Variants in ST3GAL3 observed in about 807,000 individuals in gnomAD.
ST3GAL3 encodes CMP-N-acetylneuraminate-beta-1,4-galactoside alpha-2,3-sialyltransferase.
In ST3GAL3, 21 loss-of-function variants were observed where a neutral mutation model predicts 50.1. The ratio of observed to expected loss-of-function variants is 0.42; its 90% CI spans 0.30 to 0.60. ST3GAL3 has a LOEUF of 0.60. ST3GAL3 is among the 20% of genes least tolerant of loss of function. ST3GAL3 has a pLI of 0.19. For missense variants in ST3GAL3, 353 were observed against 489.4 expected (o/e 0.72, Z 2.63); for synonymous variants, 183 against 190.0 (o/e 0.96, Z 0.30).
intron 2 of ST3GAL3, among the ~76,000 whole-genome samples, chr1:43,765,369 C>G (rs1692160910): frequency 6.6e-6 from 1 of 152,194 alleles, no homozygotes; most frequent in Non-Finnish European, 1.5e-5. Context: ...AGTTCATGTG[C>G]TTCCCTGCAG....
intron 1 of ST3GAL3, among the ~76,000 whole-genome samples, chr1:43,716,199 G>A (rs527487735): frequency 6.6e-6 from 1 of 152,310 alleles, no homozygotes; most frequent in South Asian, 2.1e-4. Context: ...CGAAATAGAT[G>A]TTTATTTTGG....
At chr1:43,928,382 C>T (rs2084396823) in intron 11 of ST3GAL3, among the ~76,000 whole-genome samples, 1 of 151,924 alleles carries the variant, frequency 6.6e-6, no homozygotes, top group Admixed American at 6.6e-5. Context: ...TGGTGGATCA[C>T]AAGGTCAGGA....
At chr1:43,764,828 C>T (rs897526524) in intron 2 of ST3GAL3, among the ~76,000 whole-genome samples, 1 of 152,174 alleles carries the variant, frequency 6.6e-6, no homozygotes, top group East Asian at 1.9e-4. Context: ...ACAGTTGAGG[C>T]CTTTCTGTCC....
intron 4 of ST3GAL3, among the ~76,000 whole-genome samples, chr1:43,825,687 G>T (rs1205037007): frequency 6.6e-6 from 1 of 152,172 alleles, no homozygotes; most frequent in Non-Finnish European, 1.5e-5. Flanking sequence ...ATGCCTTGAA[G>T]GGTTTTAAGC....
At chr1:43,924,776 G>GTA (rs2083620683) in intron 11 of ST3GAL3, among the ~76,000 whole-genome samples, 2 of 152,222 alleles carry the variant, frequency 1.3e-5, no homozygotes, top group African/African-American at 2.4e-5. Context: ...AAGGTGATGA[G>GTA]ACAGACTCAA....
At chr1:43,719,542 G>C (rs1416237212) in intron 1 of ST3GAL3, among the ~76,000 whole-genome samples, 1 of 152,024 alleles carries the variant, frequency 6.6e-6, no homozygotes, top group Non-Finnish European at 1.5e-5. Flanking sequence ...GCGGGTGCCT[G>C]TAATCCCAGC....
At chr1:43,759,873 A>C (rs1184556529) in intron 2 of ST3GAL3, among the ~76,000 whole-genome samples, 1 of 152,212 alleles carries the variant, frequency 6.6e-6, no homozygotes, top group African/African-American at 2.4e-5. Context: ...TTTCACTCAA[A>C]AACGAATGTC....
intron 2 of ST3GAL3, among the ~76,000 whole-genome samples, chr1:43,778,195 T>C (rs7543520): frequency 0.69 from 105,029 of 152,048 alleles, 36,626 homozygotes; most frequent in Non-Finnish European, 0.73. Context: ...CCAAAAACCG[T>C]ATGTTCTCAT....
At chr1:43,920,358 C>T (rs761522453) in intron 9 of ST3GAL3, 46 bp from the exon 10 acceptor site, 2 of 1,613,584 alleles carry the variant, frequency 1.2e-6, no homozygotes, top group Admixed American at 1.7e-5. Flanking sequence ...CTAGGCTCAT[C>T]CCTTGCTGTG....
intron 5 of ST3GAL3, chr1:43,851,725 C>T (rs2067342041): frequency 1.7e-6 from 2 of 1,185,102 alleles, no homozygotes; most frequent in Non-Finnish European, 2.5e-6. Context: ...TGTTGACTGG[C>T]ATTGCTATTG....
intron 5 of ST3GAL3, among the ~76,000 whole-genome samples, chr1:43,891,050 C>T (rs1191002372): frequency 6.6e-6 from 1 of 152,176 alleles, no homozygotes; most frequent in African/African-American, 2.4e-5. Flanking sequence ...TCCCTAGCTA[C>T]TCTGATGGTG....
At chr1:43,741,650 T>C (rs772685612) in intron 2 of ST3GAL3, among the ~76,000 whole-genome samples, 1 of 152,190 alleles carries the variant, frequency 6.6e-6, no homozygotes, top group Non-Finnish European at 1.5e-5. Context: ...GGCCTCTGGC[T>C]TAGGGAGGTA....
intron 4 of ST3GAL3, among the ~76,000 whole-genome samples, chr1:43,817,767 T>TCTTCTCCTC (rs1558440468): frequency 5.3e-4 from 4 of 7,494 alleles, no homozygotes; most frequent in Non-Finnish European, 1.1e-3. Flanking sequence ...TTCTTCCTCT[T>TCTTCTCCTC]CTTCTTCTCC....
intron 5 of ST3GAL3, among the ~76,000 whole-genome samples, chr1:43,886,295 C>T (rs2075978190): frequency 6.6e-6 from 1 of 152,130 alleles, no homozygotes; most frequent in Admixed American, 6.5e-5. Context: ...GCAGGAGAAT[C>T]GCTTGAACCT....
chr1:43,799,992 G>C (rs1195263321), intron 3 of ST3GAL3, among the ~76,000 whole-genome samples: 1 of 152,164 alleles, frequency 6.6e-6, no homozygotes, highest in African/African-American at 2.4e-5. Flanking sequence ...ATTTTTGGCT[G>C]CTGTGGGAGG....
intron 4 of ST3GAL3, among the ~76,000 whole-genome samples, chr1:43,836,468 G>A (rs1389095302): frequency 3.9e-5 from 6 of 152,194 alleles, no homozygotes; most frequent in African/African-American, 9.7e-5. Flanking sequence ...AAGGCTCTGG[G>A]CTAGGCCCGA....
chr1:43,883,344 G>T (rs970963158), intron 5 of ST3GAL3, among the ~76,000 whole-genome samples: 1 of 152,304 alleles, frequency 6.6e-6, no homozygotes, highest in South Asian at 2.1e-4. Flanking sequence ...CCCAGTAGCA[G>T]TGGTGGGGAT....
intron 9 of ST3GAL3, among the ~76,000 whole-genome samples, chr1:43,905,577 TC>T (rs2079274847): frequency 6.8e-5 from 3 of 44,398 alleles, no homozygotes; most frequent in African/African-American, 2.5e-4. Flanking sequence ...TTTCTCCCCC[TC>T]CTCCTGCTTC....
intron 5 of ST3GAL3, among the ~76,000 whole-genome samples, chr1:43,863,044 C>G (rs747114571): frequency 8.5e-5 from 13 of 152,208 alleles, no homozygotes; most frequent in Non-Finnish European, 1.9e-4. Context: ...GCATATCTGT[C>G]TGTTCACTCA....
Sources: allele counts gnomAD v4.1 joint callset (sites outside exome capture counted in the v4.1 genomes callset), GRCh38; gene constraint gnomAD v4.1.1; transcripts MANE v1.5; gene names NCBI Gene and HGNC (gene_info 2026-07-23, HGNC 2026-07-21).